The following ANTXRL variants were observed in gnomAD, a reference collection of about 807,000 sequenced individuals.
The protein encoded by ANTXRL is ANTXR like, also known as anthrax toxin receptor-like.
A neutral mutation model predicts 75.4 loss-of-function variants in ANTXRL; 63 were observed. The observed-to-expected ratio is 0.84, with a 90% CI of 0.68 to 1.03. The LOEUF (loss-of-function observed/expected upper bound fraction) is 1.03. Ranked by LOEUF, ANTXRL falls within the 50% of genes least tolerant of loss-of-function variation. The pLI, the probability that ANTXRL is intolerant of heterozygous loss-of-function variation, is 0.00. For synonymous variants in ANTXRL, 335 were observed against 291.3 expected (o/e 1.15, Z -1.53); for missense variants, 797 against 789.4 (o/e 1.01, Z -0.12).
In ANTXRL at chr10:46,330,070, G is replaced by C. The variant is rs1315378169; in HGVS notation, c.1882G>C (p.Glu628Gln). 1 of 1,516,154 alleles carries C rather than the reference G, an allele frequency of 6.6e-7. No individual in the cohort carries two copies. The highest frequency in any genetic ancestry group is 2.0e-5 in the Admixed American group (1 of 49,710). The allele number at this position is 1,516,154 out of a possible 1,614,324, so 93.9% of individuals were successfully genotyped here. The change falls in exon 17 of 17, where the codon GAG (glutamate) becomes CAG (glutamine). Residue 628 changes from glutamate to glutamine, a missense_variant. Glu to Gln is a conservative substitution (Grantham distance 29, BLOSUM62 2). Coordinates refer to ENST00000620264, the MANE Select transcript of ANTXRL (RefSeq NM_001278688.3). ...AEPPLSLPPS[E>Q]PNF is the part of the protein sequence containing the mutation. ...ACCCCCTTTGTCACTCCCCCCCTCA[G>C]AGCCCAACTTCTAAGGCACCAAACA...
At chr10:46,294,105 C>G (rs1431773306) in intron 3 of ANTXRL, 3 of 571,864 alleles carry the variant, frequency 5.2e-6, no homozygotes, top group Non-Finnish European at 9.3e-6. Flanking sequence ...ACCTGCAGGC[C>G]CCTGTGCTCC....
At chr10:46,306,959 C>A in intron 11 of ANTXRL, 87 bp downstream of exon 11, 2 of 1,123,692 alleles carry the variant, frequency 1.8e-6, no homozygotes, top group South Asian at 1.6e-5. Flanking sequence ...TGGATGCCCC[C>A]CACCCCCTGC....
At chr10:46,309,031 G>A in intron 12 of ANTXRL, 82 bp from the exon 13 acceptor site, 1 of 1,525,648 alleles carries the variant, frequency 6.6e-7, no homozygotes, top group East Asian at 2.4e-5. Context: ...GGAGAGTGAG[G>A]AGTGGGCAGA....
intron 10 of ANTXRL, among the ~76,000 whole-genome samples, chr10:46,304,104 T>C (rs1377849578): frequency 8.5e-5 from 13 of 152,174 alleles, no homozygotes; most frequent in Non-Finnish European, 1.6e-4. Context: ...CATTGGGTTA[T>C]ACTTTCTTGG....
intron 16 of ANTXRL, 128 bp from the exon 17 acceptor site, chr10:46,329,471 C>A: frequency 8.1e-7 from 1 of 1,233,780 alleles, no homozygotes; most frequent in Non-Finnish European, 1.1e-6. Flanking sequence ...AGAGGAGGAG[C>A]ACAGCAAGGC....
chr10:46,329,844 C>A lies in ANTXRL; in HGVS notation c.1656C>A (p.Ser552Arg). ...ECLARKQAPC[S>R]PRICLRHSPE... is the part of the protein sequence containing the mutation. ...TTGCCCGCAAACAGGCTCCCTGCAGCCCAAGGATCTGCCTGAGACACAGCC... is the reference window on the plus strand; with the variant it reads ...TTGCCCGCAAACAGGCTCCCTGCAGACCAAGGATCTGCCTGAGACACAGCC... The change falls in exon 17 of 17, where the codon AGC (serine) becomes AGA (arginine). Residue 552 changes from serine (S) to arginine (R), a missense_variant. Physicochemically the swap from Ser to Arg is moderately radical, Grantham distance 110 (BLOSUM62 -1). Coordinates refer to ENST00000620264, the MANE Select transcript of ANTXRL (RefSeq NM_001278688.3). The A allele has an allele frequency of 6.5e-7, 1 of 1,535,162 alleles. No homozygotes were observed. Among genetic ancestry groups the A allele is most frequent in the Non-Finnish European group, 8.7e-7 (1 of 1,146,302 alleles).
intron 1 of ANTXRL, among the ~76,000 whole-genome samples, chr10:46,291,480 G>A (rs537341069): frequency 6.6e-6 from 1 of 151,838 alleles, no homozygotes; most frequent in East Asian, 1.9e-4. Flanking sequence ...AAATGCTGTA[G>A]AGATTTTGAT....
rs142840687 is a variant in ANTXRL, at chr10:46,320,893, G to A, written c.1410+7577G>A. The stretch of plus-strand genomic sequence containing the variant: ...TATACAAGCAATTACTTGTACCCAC[G>A]TAGATAATTCCCAGGTCTTGAGAGA... On this transcript the variant is annotated intron_variant, in intron 16 of 16. Coordinates refer to ENST00000620264, the MANE Select transcript of ANTXRL (RefSeq NM_001278688.3). Among the ~76,000 whole-genome samples the A allele has an allele frequency of 9.1e-4, 139 of 152,240 alleles. 1 individual carries two copies. Among genetic ancestry groups the A allele is most frequent in the Non-Finnish European group, 1.5e-3 (102 of 68,018 alleles).
At position 46,289,757 on chromosome 10, in the gene ANTXRL, A is replaced by G. The variant is rs1331147220; in HGVS notation, c.248+2247A>G. Among the ~76,000 whole-genome samples, 2 of 151,788 alleles carry G rather than the reference A, an allele frequency of 1.3e-5. 1 individual carries two copies. The highest frequency in any genetic ancestry group is 3.9e-4 in the East Asian group (2 of 5,176). On this transcript the variant is annotated intron_variant, in intron 1 of 16. Transcript: ENST00000620264. ...CCCCATCCCCATCAAAACCCAAAAAACTTCTATTTCCATTAAACAATAACT... is the reference window on the plus strand; with the variant it reads ...CCCCATCCCCATCAAAACCCAAAAAGCTTCTATTTCCATTAAACAATAACT...
At chr10:46,294,188 C>A in intron 3 of ANTXRL, 1 of 453,144 alleles carries the variant, frequency 2.2e-6, no homozygotes, top group Non-Finnish European at 4.0e-6. Context: ...TGAAAGGTGG[C>A]TGTGAGGATT....
intron 11 of ANTXRL, 136 bp downstream of exon 11, chr10:46,307,008 T>A (rs41306407): frequency 1.4e-6 from 1 of 721,456 alleles, no homozygotes; most frequent in East Asian, 2.8e-5. Flanking sequence ...AAGAGCACCC[T>A]CCTCCCCACA....
rs782592295 is a variant in ANTXRL at position 46,329,889 on chromosome 10, A to G, written c.1701A>G (p.Ala567=). 142 of 1,535,828 alleles carry G rather than the reference A, an allele frequency of 9.2e-5. 1 individual carries two copies. In the South Asian group the frequency reaches 1.6e-3, roughly 17 times the overall value. Residue 567 remains alanine, a synonymous_variant, in exon 17 of 17, where the codon GCA becomes GCG. Transcript: ENST00000620264. ...LRHSPEYFSQ[A]QTLCNPKSCL... is the part of the protein sequence containing the mutation. ...ACAGCCCGGAGTACTTTTCCCAAGC[A>G]CAGACTCTGTGCAACCCAAAGAGCT...
intron 3 of ANTXRL, among the ~76,000 whole-genome samples, chr10:46,295,554 C>T (rs1483706047): frequency 1.5e-4 from 15 of 96,886 alleles, no homozygotes; most frequent in Non-Finnish European, 2.7e-4. Flanking sequence ...AGTTGCCCAT[C>T]CCTGGTTCAG....
In ANTXRL at chr10:46,315,369, C is replaced by T. The variant is rs1312375011; in HGVS notation, c.1410+2053C>T. ...GGAGACCAGGCTTGGATGGGTGGCT[C>T]GGCCCCAGCCAGGCAGCCCAACTGC... On this transcript the variant is annotated intron_variant, in intron 16 of 16. Transcript: ENST00000620264. Among the ~76,000 whole-genome samples the T allele has an allele frequency of 2.6e-4, 40 of 152,224 alleles. 1 individual carries two copies. The highest frequency in any genetic ancestry group is 7.3e-5 in the Non-Finnish European group (5 of 68,050).
intron 16 of ANTXRL, among the ~76,000 whole-genome samples, chr10:46,321,101 A>G (rs1425428963): frequency 1.3e-5 from 2 of 152,182 alleles, no homozygotes; most frequent in Non-Finnish European, 2.9e-5. Context: ...TGGAGTTTCA[A>G]GGTGATTCTC....
chr10:46,296,034 C>A lies in ANTXRL; in HGVS notation c.408C>A (p.Asn136Lys). 3 of 1,535,810 alleles carry A rather than the reference C, an allele frequency of 2.0e-6. No individual in the cohort carries two copies. The highest frequency in any genetic ancestry group is 1.2e-5 in the South Asian group (1 of 84,050). ...TTTTTTTCAGGAATAGAATAAAAAA[C>A]GGTCTTGACCAACTTCAGAAAATTG... Reference protein sequence around the residue: ...PLTSDKNRIKNGLDQLQKIVP... With the variant: ...PLTSDKNRIKKGLDQLQKIVP... The change falls in exon 4 of 17, where the codon AAC (asparagine) becomes AAA (lysine). Residue 136 changes from asparagine (N) to lysine (K), a missense_variant. Physicochemically the swap from Asn to Lys is moderately conservative, Grantham distance 94 (BLOSUM62 0). Coordinates refer to ENST00000620264, the MANE Select transcript of ANTXRL (RefSeq NM_001278688.3).
upstream of ANTXRL, chr10:46,286,863 C>G (rs1248940877): frequency 1.6e-5 from 4 of 245,932 alleles, no homozygotes; most frequent in African/African-American, 9.0e-5. Context: ...ACTGTGAGGG[C>G]TGTTATAAGG....
chr10:46,308,622 C>T (rs1365661081), intron 12 of ANTXRL: 18 of 358,504 alleles, frequency 5.0e-5, no homozygotes, highest in South Asian at 2.9e-4. Flanking sequence ...GCTCTCTAAA[C>T]CTCACAAGTG....
chr10:46,292,107 G>A lies in ANTXRL; in HGVS notation c.298G>A (p.Glu100Lys), dbSNP rs2132645942. 2.0e-6 allele frequency: 3 copies of A among 1,536,310 alleles called. No homozygotes were observed. The highest frequency in any genetic ancestry group is 2.4e-5 in the East Asian group (1 of 40,918). ...NWIDLYMWVE[E>K]TVARFQSPNI... ...GATTGACCTTTATATGTGGGTGGAG[G>A]AAACAGTGGCGAGGTTCCAAAGGTA... The change falls in exon 2 of 17, where the codon GAA (glutamate) becomes AAA (lysine). Residue 100 changes from glutamate (E) to lysine (K), a missense_variant. Transcript: ENST00000620264.
Sources: gnomAD v4.1 joint callset for allele counts (sites outside exome capture counted in the v4.1 genomes callset) on GRCh38, gnomAD v4.1.1 for gene constraint, MANE v1.5 for transcripts, NCBI Gene and HGNC (gene_info 2026-07-23, HGNC 2026-07-21) for gene names.